BABAM2: variants seen among roughly 807,000 people sequenced by gnomAD.
BABAM2 encodes the protein BRISC and BRCA1-A complex member 2.
In BABAM2, 31 loss-of-function variants were observed where a neutral mutation model predicts 54.7. That is an observed-to-expected ratio of 0.57 (90% confidence interval 0.43 to 0.77). The LOEUF (loss-of-function observed/expected upper bound fraction) is 0.77, where lower values mean the gene tolerates loss of function less well. Ranked by LOEUF, BABAM2 falls within the 30% of genes least tolerant of loss-of-function variation. The probability of loss-of-function intolerance (pLI) is 0.00; values close to 1 mark genes in which losing one functional copy is unlikely to be tolerated. For missense variants in BABAM2, 364 were observed against 455.8 expected, an observed-to-expected ratio of 0.80 and a Z score of 1.83; for synonymous variants, 167 against 162.9, an observed-to-expected ratio of 1.03 and a Z score of -0.19.
intron 10 of BABAM2, among the ~76,000 whole-genome samples, chr2:28,250,339 T>TTA (rs397690334): frequency 6.7e-6 from 1 of 149,688 alleles, no homozygotes. Context: ...TTTTTTTTTT[T>TTA]AGCTATCTAA....
chr2:28,027,262 A>T (rs1675940772), intron 5 of BABAM2, among the ~76,000 whole-genome samples: 1 of 151,630 alleles, frequency 6.6e-6, no homozygotes. Context: ...TCAAACTTCT[A>T]CTAATGTTAT....
chr2:28,305,185 C>T (rs911851647), intron 11 of BABAM2, among the ~76,000 whole-genome samples: 4 of 152,146 alleles, frequency 2.6e-5, no homozygotes, highest in African/African-American at 7.2e-5. Flanking sequence ...GTCTTTATCA[C>T]GTTAAAGAAA....
chr2:28,256,034 A>T (rs2148117828), intron 10 of BABAM2, among the ~76,000 whole-genome samples: 1 of 152,302 alleles, frequency 6.6e-6, no homozygotes, highest in African/African-American at 2.4e-5. Context: ...CCGTGGATCC[A>T]TTCTGTAGAA....
chr2:28,028,133 G>A (rs891334119), intron 5 of BABAM2, among the ~76,000 whole-genome samples: 10 of 152,002 alleles, frequency 6.6e-5, no homozygotes, highest in African/African-American at 1.2e-4. Context: ...TTAATAGTTG[G>A]CGTAGTTCAG....
chr2:28,105,871 GTATAA>G (rs2148716000), intron 6 of BABAM2, among the ~76,000 whole-genome samples: 1 of 151,222 alleles, frequency 6.6e-6, no homozygotes, highest in South Asian at 2.1e-4. Context: ...ATGCAACTTA[GTATAA>G]ATATGTACCA....
At chr2:28,241,648 C>T (rs1682443737) in intron 9 of BABAM2, among the ~76,000 whole-genome samples, 1 of 152,136 alleles carries the variant, frequency 6.6e-6, no homozygotes, top group African/African-American at 2.4e-5. Context: ...GCATGGGCCA[C>T]CACACCCAGC....
intron 6 of BABAM2, among the ~76,000 whole-genome samples, chr2:28,099,608 A>T (rs752461023): frequency 6.6e-6 from 1 of 152,150 alleles, no homozygotes; most frequent in African/African-American, 2.4e-5. Context: ...TTATTTAGTT[A>T]TTATAGCCAT....
At chr2:28,215,194 G>A (rs1244895225) in intron 7 of BABAM2, among the ~76,000 whole-genome samples, 1 of 152,074 alleles carries the variant, frequency 6.6e-6, no homozygotes, top group Non-Finnish European at 1.5e-5. Context: ...ATTGAGGTAG[G>A]TAGAGAGCAA....
At chr2:27,945,889 C>T (rs1310038329) in intron 3 of BABAM2, among the ~76,000 whole-genome samples, 1 of 150,996 alleles carries the variant, frequency 6.6e-6, no homozygotes, top group Non-Finnish European at 1.5e-5. Flanking sequence ...GCTGCTATGT[C>T]CCTAAATTTA....
chr2:28,236,402 C>G (rs761107828), intron 7 of BABAM2, among the ~76,000 whole-genome samples: 3 of 143,582 alleles, frequency 2.1e-5, no homozygotes, highest in Non-Finnish European at 4.5e-5. Context: ...CTCACTGTAT[C>G]GCCCGTGCTG....
chr2:28,131,070 A>ATT (rs757511616), intron 7 of BABAM2, among the ~76,000 whole-genome samples: 111 of 6,944 alleles, frequency 0.016, 27 homozygotes, highest in East Asian at 0.053. Context: ...TATTATTATT[A>ATT]TTATTATTAT....
At chr2:27,977,458 T>C (rs1671681845) in intron 3 of BABAM2, among the ~76,000 whole-genome samples, 1 of 152,196 alleles carries the variant, frequency 6.6e-6, no homozygotes, top group Non-Finnish European at 1.5e-5. Context: ...AAAATTTAGT[T>C]GTCCCAGTTA....
At chr2:28,000,361 G>A (rs1479696208) in intron 4 of BABAM2, among the ~76,000 whole-genome samples, 1 of 151,986 alleles carries the variant, frequency 6.6e-6, no homozygotes, top group Non-Finnish European at 1.5e-5. Flanking sequence ...ACTCAGTTGG[G>A]ATTTGTCTGA....
chr2:28,190,548 G>A (rs1404352081), intron 7 of BABAM2, among the ~76,000 whole-genome samples: 5 of 152,176 alleles, frequency 3.3e-5, no homozygotes, highest in African/African-American at 9.7e-5. Context: ...TTAGCTAGGC[G>A]TGGTGGTGCA....
intron 11 of BABAM2, among the ~76,000 whole-genome samples, chr2:28,303,192 G>A (rs920996502): frequency 6.6e-6 from 1 of 151,994 alleles, no homozygotes; most frequent in African/African-American, 2.4e-5. Context: ...CTTTTGATGA[G>A]CAGAAAATCT....
chr2:27,910,476 C>G (rs1666502984), intron 2 of BABAM2, among the ~76,000 whole-genome samples: 1 of 152,096 alleles, frequency 6.6e-6, no homozygotes, highest in South Asian at 2.1e-4. Flanking sequence ...GTATATAATG[C>G]ATTGAATTTT....
chr2:28,113,278 A>G (rs1668303147), intron 6 of BABAM2, among the ~76,000 whole-genome samples: 3 of 152,150 alleles, frequency 2.0e-5, no homozygotes. Flanking sequence ...GTCTTTGCCC[A>G]TGCCTGTGTC....
chr2:27,916,419 A>G (rs1456124647), intron 2 of BABAM2, among the ~76,000 whole-genome samples: 2 of 152,230 alleles, frequency 1.3e-5, no homozygotes, highest in African/African-American at 4.8e-5. Flanking sequence ...CTCTTATATA[A>G]CATTTACTAA....
At chr2:28,228,103 A>C (rs1253500156) in intron 7 of BABAM2, among the ~76,000 whole-genome samples, 1 of 152,238 alleles carries the variant, frequency 6.6e-6, no homozygotes, top group Admixed American at 6.5e-5. Flanking sequence ...TAAAAACTCA[A>C]GCAAGGAGCA....
Sources: gnomAD v4.1 joint callset for allele counts (sites outside exome capture counted in the v4.1 genomes callset) on GRCh38, gnomAD v4.1.1 for gene constraint, MANE v1.5 for transcripts, NCBI Gene and HGNC (gene_info 2026-07-23, HGNC 2026-07-21) for gene names.